C10orf67: variants seen among roughly 807,000 people sequenced by gnomAD.
C10orf67 encodes the protein uncharacterized protein C10orf67, mitochondrial.
C10orf67 carries 60 observed loss-of-function variants against 35.6 expected under a neutral mutation model. The ratio of observed to expected loss-of-function variants is 1.68; its 90% CI spans 1.37 to 2.09. C10orf67 has a LOEUF of 2.09. Ranked by LOEUF, C10orf67 falls within the 30% of genes most tolerant of loss-of-function variation. The pLI, the probability that C10orf67 is intolerant of heterozygous loss-of-function variation, is 0.00. For synonymous variants in C10orf67, 167 were observed against 115.8 expected (o/e 1.44, Z -2.84); for missense variants, 474 against 330.2 (o/e 1.44, Z -3.38).
At position 23,335,813 on chromosome 10, in the gene C10orf67, CT is replaced by C. The variant is rs1399576552; in HGVS notation, c.207-2632del. Among the ~76,000 whole-genome samples, 4 of 152,288 alleles carry C rather than the reference CT, an allele frequency of 2.6e-5. No homozygotes were observed. The East Asian group carries it at 7.7e-4, about 29-fold the overall frequency. On this transcript the variant is annotated intron_variant, in intron 1 of 15. Coordinates refer to ENST00000636213, the MANE Select transcript of C10orf67 (RefSeq NM_001371909.1). ...TTCTCATTACATACACTCCATGTAACTTACTCATGTGTCACATATCTACTAG... is the reference window on the plus strand; with the variant it reads ...TTCTCATTACATACACTCCATGTAACTACTCATGTGTCACATATCTACTAG...
chr10:23,312,266 A>T (rs1313351575), intron 4 of C10orf67, among the ~76,000 whole-genome samples: 3 of 152,210 alleles, frequency 2.0e-5, no homozygotes, highest in Non-Finnish European at 4.4e-5. Context: ...GAGCTCATGG[A>T]TTCCTATTTT....
At chr10:23,283,258 T>C (rs1843423656) in intron 7 of C10orf67, among the ~76,000 whole-genome samples, 1 of 152,012 alleles carries the variant, frequency 6.6e-6, no homozygotes, top group Non-Finnish European at 1.5e-5. Flanking sequence ...AGGGCCCTTG[T>C]TCCCTTGTGA....
chr10:23,342,110 G>C (rs2132423480), intron 1 of C10orf67, among the ~76,000 whole-genome samples: 1 of 152,136 alleles, frequency 6.6e-6, no homozygotes, highest in South Asian at 2.1e-4. Flanking sequence ...GCTGCACTGA[G>C]CCATGATTGT....
chr10:23,227,120 T>C (rs947910873), intron 13 of C10orf67, among the ~76,000 whole-genome samples: 1 of 152,140 alleles, frequency 6.6e-6, no homozygotes, highest in African/African-American at 2.4e-5. Context: ...TACCAAAGCC[T>C]GGCAGACACA....
intron 8 of C10orf67, among the ~76,000 whole-genome samples, chr10:23,279,028 G>T (rs1843282296): frequency 6.6e-6 from 1 of 152,184 alleles, no homozygotes; most frequent in South Asian, 2.1e-4. Flanking sequence ...GAGGCAGGAG[G>T]ATTGCTTGAG....
intron 15 of C10orf67, among the ~76,000 whole-genome samples, chr10:23,218,328 T>TG (rs58550451): frequency 6.8e-6 from 1 of 147,858 alleles, no homozygotes; most frequent in African/African-American, 2.5e-5. Flanking sequence ...TTTTTTTTTT[T>TG]GTAGAGACGG....
At chr10:23,231,143 A>C (rs750576357) in intron 13 of C10orf67, among the ~76,000 whole-genome samples, 5 of 151,736 alleles carry the variant, frequency 3.3e-5, no homozygotes, top group Non-Finnish European at 7.4e-5. Flanking sequence ...GTAGAGACAG[A>C]GTCTCACTTT....
chr10:23,226,009 TG>T (rs1682822692), intron 13 of C10orf67, among the ~76,000 whole-genome samples: 1 of 151,984 alleles, frequency 6.6e-6, no homozygotes. Context: ...AACACCCCAC[TG>T]TCAACATTAG....
chr10:23,323,952 T>TATATATACAC (rs1564513730), intron 2 of C10orf67, among the ~76,000 whole-genome samples: 6 of 64,686 alleles, frequency 9.3e-5, no homozygotes, highest in African/African-American at 2.2e-4. Context: ...TATATATATA[T>TATATATACAC]ACACACACAC....
chr10:23,228,396 G>C (rs1185936146), intron 13 of C10orf67, among the ~76,000 whole-genome samples: 1 of 152,108 alleles, frequency 6.6e-6, no homozygotes, highest in Non-Finnish European at 1.5e-5. Flanking sequence ...TATATAGAAA[G>C]CTGAAACTGG....
rs548640716 is a variant in C10orf67, at chr10:23,204,504, C to T, written c.1571-249G>A. 1.6e-4 allele frequency among the ~76,000 whole-genome samples: 25 copies of T among 152,308 alleles called. No individual in the cohort carries two copies. The South Asian group carries it at 3.7e-3, about 23-fold the overall frequency. ...AGCTTTGCTCTGAGACAGTCTGGGG[C>T]TCTCCGGCAGCCCCAGGCTGCAGGA... On this transcript the variant is annotated intron_variant, in intron 15 of 15. Coordinates refer to ENST00000636213, the MANE Select transcript of C10orf67 (RefSeq NM_001371909.1).
At chr10:23,303,640 A>G (rs1313552668) in intron 4 of C10orf67, among the ~76,000 whole-genome samples, 181 bp from the exon 5 acceptor site, 1 of 152,236 alleles carries the variant, frequency 6.6e-6, no homozygotes, top group Non-Finnish European at 1.5e-5. Flanking sequence ...AAGCAACTTT[A>G]TTTATATTGA....
At chr10:23,231,194 T>G (rs1841898564) in intron 13 of C10orf67, among the ~76,000 whole-genome samples, 1 of 152,056 alleles carries the variant, frequency 6.6e-6, no homozygotes, top group African/African-American at 2.4e-5. Context: ...TTTAGTTAGG[T>G]ATTTGGCTGC....
At chr10:23,259,911 C>T (rs1410829987) in intron 10 of C10orf67, among the ~76,000 whole-genome samples, 1 of 152,076 alleles carries the variant, frequency 6.6e-6, no homozygotes, top group Non-Finnish European at 1.5e-5. Context: ...ATGAGCTGAG[C>T]ATGTAAGAGT....
chr10:23,329,694 G>A (rs1298998618), intron 2 of C10orf67, among the ~76,000 whole-genome samples: 1 of 151,002 alleles, frequency 6.6e-6, no homozygotes, highest in East Asian at 1.9e-4. Context: ...CAGCTACTCA[G>A]GAGGCTGAGG....
chr10:23,321,160 A>G (rs1844940965), intron 3 of C10orf67, among the ~76,000 whole-genome samples: 1 of 152,198 alleles, frequency 6.6e-6, no homozygotes, highest in South Asian at 2.1e-4. Context: ...TAGTCCTTGT[A>G]CTTTTTGAAT....
chr10:23,257,561 G>T (rs1209135374), intron 10 of C10orf67, among the ~76,000 whole-genome samples: 6 of 152,176 alleles, frequency 3.9e-5, no homozygotes, highest in Admixed American at 2.0e-4. Context: ...CCAGCACTTT[G>T]GGGGGCCAAG....
chr10:23,305,485 AAAAAG>A (rs1299516701), intron 4 of C10orf67, among the ~76,000 whole-genome samples: 2 of 152,208 alleles, frequency 1.3e-5, no homozygotes, highest in Non-Finnish European at 2.9e-5. Flanking sequence ...AAATTTTTTT[AAAAAG>A]AAAAGATTAA....
chr10:23,289,702 G>A (rs987969682), intron 7 of C10orf67, among the ~76,000 whole-genome samples, 198 bp downstream of exon 7: 1 of 152,190 alleles, frequency 6.6e-6, no homozygotes, highest in Non-Finnish European at 1.5e-5. Flanking sequence ...AACAAAAGAA[G>A]TATCTATACA....
Sources: gnomAD v4.1 joint callset for allele counts (sites outside exome capture counted in the v4.1 genomes callset) on GRCh38, gnomAD v4.1.1 for gene constraint, MANE v1.5 for transcripts, NCBI Gene and HGNC (gene_info 2026-07-23, HGNC 2026-07-21) for gene names.